The following ANKIB1 variants were observed in gnomAD, a reference collection of about 807,000 sequenced individuals.
ANKIB1 encodes ankyrin repeat and IBR domain containing 1, also known as ankyrin repeat and IBR domain-containing protein 1.
A neutral mutation model predicts 122.1 loss-of-function variants in ANKIB1; 43 were observed. The observed-to-expected ratio is 0.35, with a 90% CI of 0.28 to 0.45. The LOEUF (loss-of-function observed/expected upper bound fraction) is 0.45, where lower values mean the gene tolerates loss of function less well. Among genes scored for constraint, ANKIB1 ranks in the 20% least tolerant of loss-of-function variants. The pLI, the probability that ANKIB1 is intolerant of heterozygous loss-of-function variation, is 1.00. For synonymous variants in ANKIB1, 390 were observed against 442.0 expected, an observed-to-expected ratio of 0.88 and a Z score of 1.48; for missense variants, 992 against 1,329.5, an observed-to-expected ratio of 0.75 and a Z score of 3.95.
intron 3 of ANKIB1, among the ~76,000 whole-genome samples, chr7:92,312,221 C>G (rs962958964): frequency 2.6e-5 from 4 of 152,120 alleles, no homozygotes; most frequent in Non-Finnish European, 4.4e-5. Flanking sequence ...TTTTTCAGAA[C>G]TTCCTTACAC....
chr7:92,296,757 A>T (rs893489990), intron 2 of ANKIB1, among the ~76,000 whole-genome samples: 1 of 152,162 alleles, frequency 6.6e-6, no homozygotes, highest in African/African-American at 2.4e-5. Flanking sequence ...CAGAGTAAAT[A>T]GAAGTTCTAT....
intron 1 of ANKIB1, among the ~76,000 whole-genome samples, chr7:92,270,797 G>A (rs1381837856): frequency 7.1e-6 from 1 of 139,884 alleles, no homozygotes; most frequent in African/African-American, 2.7e-5. Flanking sequence ...AGCCCTTTGA[G>A]ACTTGGTTTC....
intron 4 of ANKIB1, among the ~76,000 whole-genome samples, chr7:92,323,100 GCATTGTTTACA>G (rs1251741553): frequency 1.3e-5 from 2 of 152,044 alleles, no homozygotes; most frequent in Non-Finnish European, 2.9e-5. Context: ...CGTCATTATT[GCATTGTTTACA>G]CATTTTAAAA....
intron 18 of ANKIB1, among the ~76,000 whole-genome samples, chr7:92,397,078 T>C (rs2115728228): frequency 6.6e-6 from 1 of 152,364 alleles, no homozygotes; most frequent in South Asian, 2.1e-4. Flanking sequence ...CCAAATTATT[T>C]AATTTTAAGA....
At chr7:92,362,392 C>G (rs546759109) in intron 10 of ANKIB1, 119 bp downstream of exon 10, 3 of 873,212 alleles carry the variant, frequency 3.4e-6, no homozygotes, top group Admixed American at 4.4e-5. Flanking sequence ...TGCAAGTGCT[C>G]TCCTGTTTAA....
At chr7:92,278,888 A>T (rs1203311114) in intron 1 of ANKIB1, among the ~76,000 whole-genome samples, 1 of 152,240 alleles carries the variant, frequency 6.6e-6, no homozygotes, top group African/African-American at 2.4e-5. Context: ...CAGGTTTATC[A>T]GTCTATTGTT....
At chr7:92,358,106 G>C (rs1405220515) in intron 9 of ANKIB1, among the ~76,000 whole-genome samples, 2 of 152,110 alleles carry the variant, frequency 1.3e-5, no homozygotes, top group South Asian at 4.1e-4. Context: ...GCTGGGCATG[G>C]TGTTGTGCAC....
intron 3 of ANKIB1, among the ~76,000 whole-genome samples, chr7:92,311,874 A>G (rs964009119): frequency 2.0e-5 from 3 of 152,100 alleles, no homozygotes; most frequent in Non-Finnish European, 4.4e-5. Context: ...TCTGAACTTC[A>G]TGCTATATTG....
intron 15 of ANKIB1, among the ~76,000 whole-genome samples, chr7:92,390,728 C>G (rs1296401473): frequency 6.6e-6 from 1 of 152,204 alleles, no homozygotes. Context: ...CCACACTTGA[C>G]CCCAATCACT....
At chr7:92,368,289 G>T (rs889529196) in intron 10 of ANKIB1, among the ~76,000 whole-genome samples, 1 of 150,998 alleles carries the variant, frequency 6.6e-6, no homozygotes, top group Non-Finnish European at 1.5e-5. Flanking sequence ...TTTAGAAAGA[G>T]ACCTAAGCAC....
At chr7:92,350,857 T>TAA (rs970640682) in intron 7 of ANKIB1, 93 bp from the exon 8 acceptor site, 179 of 1,043,066 alleles carry the variant, frequency 1.7e-4, no homozygotes, top group East Asian at 2.6e-4. Flanking sequence ...ACCCTGTCTC[T>TAA]AAAAAAAAAA....
intron 1 of ANKIB1, among the ~76,000 whole-genome samples, chr7:92,265,423 A>C (rs985527496): frequency 6.6e-6 from 1 of 152,226 alleles, no homozygotes; most frequent in African/African-American, 2.4e-5. Flanking sequence ...AGAGGAAAAA[A>C]GTTGATATAT....
intron 1 of ANKIB1, among the ~76,000 whole-genome samples, chr7:92,256,062 A>T (rs1801438297): frequency 6.6e-6 from 1 of 152,194 alleles, no homozygotes; most frequent in African/African-American, 2.4e-5. Context: ...AAGTTAGTTG[A>T]GGGCTGGGGA....
At chr7:92,295,753 A>G (rs1585093488) in intron 2 of ANKIB1, among the ~76,000 whole-genome samples, 2 of 152,350 alleles carry the variant, frequency 1.3e-5, no homozygotes, top group South Asian at 2.1e-4. Context: ...ATACTAAGAA[A>G]CTTTAAAAAA....
chr7:92,278,568 A>C (rs1036747033), intron 1 of ANKIB1, among the ~76,000 whole-genome samples: 6 of 152,202 alleles, frequency 3.9e-5, no homozygotes, highest in African/African-American at 1.4e-4. Flanking sequence ...TTTTCCAGCT[A>C]TCTCTTGTTC....
Position 92,350,971 on chromosome 7 carries a change from A to G in ANKIB1, c.1107A>G (p.Gln369=). The G allele has an allele frequency of 1.2e-6, 2 of 1,606,332 alleles. No homozygotes were observed. Among genetic ancestry groups the G allele is most frequent in the Non-Finnish European group, 1.7e-6 (2 of 1,176,664 alleles). ...CWESFLNLKI[Q]EGEAHNIFCP... Reference sequence around the variant, plus strand: ...ATAGGTTTTTGAATCTGAAAATTCAAGAAGGTGAAGCTCACAACATTTTTT... The same window carrying G: ...ATAGGTTTTTGAATCTGAAAATTCAGGAAGGTGAAGCTCACAACATTTTTT... The change falls in exon 8 of 20, where the codon CAA becomes CAG. Residue 369 remains glutamine, a synonymous_variant. Coordinates refer to ENST00000265742, the MANE Select transcript of ANKIB1 (RefSeq NM_019004.2).
At chr7:92,323,343 T>C (rs1054271036) in intron 4 of ANKIB1, among the ~76,000 whole-genome samples, 2 of 152,210 alleles carry the variant, frequency 1.3e-5, no homozygotes, top group African/African-American at 4.8e-5. Context: ...ATTTCTCTGA[T>C]TATCGTGTAA....
chr7:92,382,078 AAGC>A (rs1186872313), intron 11 of ANKIB1, among the ~76,000 whole-genome samples: 2 of 152,296 alleles, frequency 1.3e-5, no homozygotes, highest in East Asian at 3.9e-4. Context: ...CAAAAAAAAA[AAGC>A]AGGGGTTGCA....
intron 14 of ANKIB1, 75 bp downstream of exon 14, chr7:92,388,116 G>A (rs1804702815): frequency 7.5e-7 from 1 of 1,327,086 alleles, no homozygotes. Flanking sequence ...AGTAGGTTAG[G>A]CCCTGAAAGG....
Sources: allele counts gnomAD v4.1 joint callset (sites outside exome capture counted in the v4.1 genomes callset), GRCh38; gene constraint gnomAD v4.1.1; transcripts MANE v1.5; gene names NCBI Gene and HGNC (gene_info 2026-07-23, HGNC 2026-07-21).